The following ERC2 variants were observed in gnomAD, a reference collection of about 807,000 sequenced individuals.
ERC2 encodes ERC protein 2.
Under a neutral mutation model 114.8 loss-of-function variants are expected in ERC2, and 42 were observed. The ratio of observed to expected loss-of-function variants is 0.37; its 90% CI spans 0.29 to 0.47. The LOEUF (loss-of-function observed/expected upper bound fraction) is 0.47, where lower values mean the gene tolerates loss of function less well. Among genes scored for constraint, ERC2 ranks in the 20% least tolerant of loss-of-function variants. The probability of loss-of-function intolerance (pLI) is 0.99; values close to 1 mark genes in which losing one functional copy is unlikely to be tolerated. For synonymous variants in ERC2, 454 were observed against 425.5 expected, an observed-to-expected ratio of 1.07 and a Z score of -0.82; for missense variants, 939 against 1,150.7, an observed-to-expected ratio of 0.82 and a Z score of 2.66.
rs1254749056 is a variant in ERC2 at position 55,618,362 on chromosome 3, C to T, written c.*39+65432G>A. The stretch of plus-strand genomic sequence containing the variant: ...TTTATCAATATTAATGTGCAACTTC[C>T]CTTTTAGGAATTTATTCCAAAGAAA... On this transcript the variant is annotated intron_variant, in intron 17 of 17. Coordinates refer to ENST00000288221, the MANE Select transcript of ERC2 (RefSeq NM_015576.3). Among the ~76,000 whole-genome samples, 6 of 152,114 alleles carry T rather than the reference C, an allele frequency of 3.9e-5. No homozygotes were observed. The East Asian group carries it at 1.2e-3, about 29-fold the overall frequency.
intron 12 of ERC2, among the ~76,000 whole-genome samples, chr3:55,971,712 C>G (rs927842500): frequency 6.6e-6 from 1 of 152,164 alleles, no homozygotes; most frequent in African/African-American, 2.4e-5. Context: ...CAGTACCTTT[C>G]TCAAATTTTC....
intron 7 of ERC2, among the ~76,000 whole-genome samples, chr3:56,054,785 C>T (rs1028037319): frequency 1.3e-5 from 2 of 152,198 alleles, no homozygotes; most frequent in East Asian, 1.9e-4. Flanking sequence ...GCTTTGCCAA[C>T]ACTCAAGCAA....
At chr3:56,316,410 G>A (rs1399554134) in intron 2 of ERC2, among the ~76,000 whole-genome samples, 1 of 152,148 alleles carries the variant, frequency 6.6e-6, no homozygotes, top group Non-Finnish European at 1.5e-5. Flanking sequence ...TAAGTGGACA[G>A]AAAATGCTGT....
chr3:56,465,244 C>T (rs1382843520), intron 1 of ERC2, among the ~76,000 whole-genome samples: 3 of 152,040 alleles, frequency 2.0e-5, no homozygotes, highest in Non-Finnish European at 4.4e-5. Context: ...ACTAAAAATA[C>T]AAAAATTAGA....
intron 3 of ERC2, among the ~76,000 whole-genome samples, chr3:56,195,915 T>C (rs2048073412): frequency 1.3e-5 from 2 of 152,018 alleles, no homozygotes; most frequent in East Asian, 3.9e-4. Context: ...AATAACCTGA[T>C]CCTTTGTGTA....
intron 17 of ERC2, among the ~76,000 whole-genome samples, chr3:55,530,428 C>T (rs1474016198): frequency 2.0e-5 from 3 of 151,474 alleles, no homozygotes; most frequent in Admixed American, 6.6e-5. Flanking sequence ...GGGCTGCAGT[C>T]GGCTGGCTCC....
At chr3:55,971,368 C>G (rs987206422) in intron 12 of ERC2, among the ~76,000 whole-genome samples, 1 of 151,954 alleles carries the variant, frequency 6.6e-6, no homozygotes, top group African/African-American at 2.4e-5. Flanking sequence ...TAAAAAATTA[C>G]AAATGCTAGT....
chr3:55,848,209 G>A (rs1420759848), intron 14 of ERC2, among the ~76,000 whole-genome samples: 4 of 152,140 alleles, frequency 2.6e-5, no homozygotes, highest in African/African-American at 7.2e-5. Flanking sequence ...ATCTGAAGCC[G>A]TCTTGTCCTC....
rs200184138 is a variant in ERC2 at position 56,434,949 on chromosome 3, C to T, written c.59G>A (p.Arg20His). ...NLEGSPSRSPRLPRSPRLGHR... is the reference protein window; with the variant it reads ...NLEGSPSRSPHLPRSPRLGHR... ...GCCCAAACGAGGAGACCTTGGCAAACGAGGGGATCTGGAAGGGCTACCTTC... is the reference window on the plus strand; with the variant it reads ...GCCCAAACGAGGAGACCTTGGCAAATGAGGGGATCTGGAAGGGCTACCTTC... The change falls in exon 2 of 18, where the codon CGT (arginine) becomes CAT (histidine). Residue 20 changes from arginine (R) to histidine (H), a missense_variant. By Grantham distance (29) the Arg-to-His change is conservative (BLOSUM62 0). Coordinates refer to ENST00000288221, the MANE Select transcript of ERC2 (RefSeq NM_015576.3). The T allele has an allele frequency of 1.5e-4, 237 of 1,613,474 alleles. No homozygotes were observed. Among genetic ancestry groups the T allele is most frequent in the East Asian group, 5.3e-4 (24 of 44,866 alleles).
At chr3:56,360,371 G>A (rs2058908572) in intron 2 of ERC2, among the ~76,000 whole-genome samples, 1 of 152,082 alleles carries the variant, frequency 6.6e-6, no homozygotes, top group Non-Finnish European at 1.5e-5. Context: ...TACTTCTCTA[G>A]ACTCTGGCAG....
chr3:56,120,050 T>C lies in ERC2; in HGVS notation c.1473+19459A>G, dbSNP rs75478290. Among the ~76,000 whole-genome samples, 393 of 152,318 alleles carry C rather than the reference T, an allele frequency of 2.6e-3. 3 individuals carry two copies. Among genetic ancestry groups the C allele is most frequent in the African/African-American group, 8.8e-3 (365 of 41,552 alleles). ...GTTTTCTTTGGTTTACTAAGATGTTTCAAGTGATGACTAACAGATGTCTTT... is the reference window on the plus strand; with the variant it reads ...GTTTTCTTTGGTTTACTAAGATGTTCCAAGTGATGACTAACAGATGTCTTT... On this transcript the variant is annotated intron_variant, in intron 6 of 17. Coordinates refer to ENST00000288221, the MANE Select transcript of ERC2 (RefSeq NM_015576.3).
chr3:56,056,356 T>C (rs1397996182), intron 7 of ERC2, among the ~76,000 whole-genome samples: 3 of 152,198 alleles, frequency 2.0e-5, no homozygotes, highest in Non-Finnish European at 4.4e-5. Flanking sequence ...GCATGCTTGC[T>C]ATGACTTTGT....
intron 7 of ERC2, among the ~76,000 whole-genome samples, chr3:56,051,179 T>G (rs1278659583): frequency 6.6e-6 from 1 of 152,182 alleles, no homozygotes; most frequent in Non-Finnish European, 1.5e-5. Flanking sequence ...TGGGAAGGAA[T>G]GCAATTCATG....
At chr3:55,607,335 C>T (rs571127244) in intron 17 of ERC2, among the ~76,000 whole-genome samples, 5 of 152,250 alleles carry the variant, frequency 3.3e-5, no homozygotes, top group African/African-American at 7.2e-5. Context: ...TGACATGTAA[C>T]GCTGAGCCTG....
intron 16 of ERC2, among the ~76,000 whole-genome samples, chr3:55,685,288 C>T (rs2062268502): frequency 6.6e-6 from 1 of 152,164 alleles, no homozygotes; most frequent in African/African-American, 2.4e-5. Flanking sequence ...AGAGTCTGAA[C>T]TGGACAACTC....
At chr3:56,031,614 ACCC>A (rs2074385170) in intron 7 of ERC2, among the ~76,000 whole-genome samples, 1 of 152,224 alleles carries the variant, frequency 6.6e-6, no homozygotes, top group South Asian at 2.1e-4. Flanking sequence ...ACTTGATACC[ACCC>A]AATGAACAAA....
At chr3:55,869,739 C>G (rs62256772) in intron 14 of ERC2, among the ~76,000 whole-genome samples, 14,546 of 152,180 alleles carry the variant, frequency 0.096, 785 homozygotes, top group South Asian at 0.16. Flanking sequence ...GTGAGCTCGA[C>G]TAGGCAGGGA....
At chr3:55,919,466 C>T (rs1263066038) in intron 13 of ERC2, among the ~76,000 whole-genome samples, 1 of 152,148 alleles carries the variant, frequency 6.6e-6, no homozygotes, top group African/African-American at 2.4e-5. Flanking sequence ...ATTGGATAAA[C>T]TTCAAAAACA....
intron 14 of ERC2, among the ~76,000 whole-genome samples, chr3:55,751,317 C>T (rs1298870235): frequency 6.6e-6 from 1 of 151,982 alleles, no homozygotes; most frequent in Non-Finnish European, 1.5e-5. Flanking sequence ...ACAAATAGGC[C>T]CCATCAGACA....
Sources: gnomAD v4.1 joint callset for allele counts (sites outside exome capture counted in the v4.1 genomes callset) on GRCh38, gnomAD v4.1.1 for gene constraint, MANE v1.5 for transcripts, NCBI Gene and HGNC (gene_info 2026-07-23, HGNC 2026-07-21) for gene names.